The following FBXW7 variants were observed in gnomAD, a reference collection of about 807,000 sequenced individuals.
FBXW7 encodes the protein F-box and WD repeat domain containing 7.
A neutral mutation model predicts 86.3 loss-of-function variants in FBXW7; 11 were observed. That is an observed-to-expected ratio of 0.13 (90% CI 0.08 to 0.21). The LOEUF is 0.21. Among genes scored for constraint, FBXW7 ranks in the 10% least tolerant of loss-of-function variants. The probability of loss-of-function intolerance (pLI) is 1.00; values close to 1 mark genes in which losing one functional copy is unlikely to be tolerated. For missense variants in FBXW7, 488 were observed against 847.4 expected (o/e 0.58, Z 5.27); for synonymous variants, 313 against 297.9 (o/e 1.05, Z -0.52).
intron 2 of FBXW7, among the ~76,000 whole-genome samples, chr4:152,511,225 T>C (rs1185757823): frequency 6.6e-6 from 1 of 151,902 alleles, no homozygotes; most frequent in Non-Finnish European, 1.5e-5. Flanking sequence ...AGTATGAATA[T>C]AACAGGAAGG....
chr4:152,334,423 T>A (rs1329127188), intron 7 of FBXW7, among the ~76,000 whole-genome samples: 1 of 152,220 alleles, frequency 6.6e-6, no homozygotes, highest in East Asian at 1.9e-4. Context: ...CCATTACTAA[T>A]CTATGTGGAA....
intron 2 of FBXW7, among the ~76,000 whole-genome samples, chr4:152,472,048 C>T (rs1273960507): frequency 4.0e-5 from 6 of 151,858 alleles, no homozygotes; most frequent in South Asian, 4.1e-4. Context: ...AAAAAACAAA[C>T]CGATTTTTAA....
Position 152,330,240 on chromosome 4 carries a change from T to G in FBXW7, c.1123-455A>C, listed in dbSNP as rs76536236. ...AACAATGTCTCCCCAAATTGGTTTT[T>G]TCCAGTTGTAAAAATACGCCCAATA... is the stretch of plus-strand genomic sequence containing the variant. On this transcript the variant is annotated intron_variant, in intron 9 of 13. Transcript: ENST00000281708. 1.4e-4 allele frequency among the ~76,000 whole-genome samples: 22 copies of G among 152,062 alleles called. No individual in the cohort carries two copies. In the East Asian group the frequency reaches 3.3e-3, roughly 23 times the overall value.
At chr4:152,519,276 C>CT (rs1176975093) in intron 2 of FBXW7, among the ~76,000 whole-genome samples, 1 of 151,880 alleles carries the variant, frequency 6.6e-6, no homozygotes, top group Admixed American at 6.6e-5. Context: ...CCAGCCTGGG[C>CT]TACAGAGTGA....
chr4:152,403,987 C>T (rs1579105444), intron 4 of FBXW7, among the ~76,000 whole-genome samples: 1 of 152,222 alleles, frequency 6.6e-6, no homozygotes, highest in African/African-American at 2.4e-5. Context: ...ACGGATACTA[C>T]TATGCTATTA....
chr4:152,505,124 AGCACAAT>A (rs960524656), intron 2 of FBXW7, among the ~76,000 whole-genome samples: 11 of 152,198 alleles, frequency 7.2e-5, no homozygotes, highest in African/African-American at 2.7e-4. Context: ...ATGCAACTGT[AGCACAAT>A]GATATTAACA....
chr4:152,505,743 AT>A (rs763132391), intron 2 of FBXW7, among the ~76,000 whole-genome samples: 355 of 141,868 alleles, frequency 2.5e-3, no homozygotes, highest in Admixed American at 3.0e-3. Context: ...CTGTTTTGCA[AT>A]TTTTTTTTTT....
chr4:152,415,786 G>C (rs1738375773), intron 2 of FBXW7, among the ~76,000 whole-genome samples: 1 of 151,942 alleles, frequency 6.6e-6, no homozygotes, highest in African/African-American at 2.4e-5. Flanking sequence ...GTTCTTTCTT[G>C]AGGGGTAAAG....
At chr4:152,491,806 C>T (rs1745885361) in intron 2 of FBXW7, among the ~76,000 whole-genome samples, 1 of 152,068 alleles carries the variant, frequency 6.6e-6, no homozygotes, top group Non-Finnish European at 1.5e-5. Flanking sequence ...TCAGCAACCA[C>T]CAACGTTCTG....
At chr4:152,457,793 T>C (rs1742569185) in intron 2 of FBXW7, among the ~76,000 whole-genome samples, 1 of 151,728 alleles carries the variant, frequency 6.6e-6, no homozygotes, top group South Asian at 2.1e-4. Flanking sequence ...AAGTAAAGAA[T>C]CTCAAAGACA....
chr4:152,524,750 T>A (rs571580775), intron 2 of FBXW7, among the ~76,000 whole-genome samples: 45 of 151,974 alleles, frequency 3.0e-4, no homozygotes, highest in African/African-American at 1.1e-3. Context: ...TCATTTATTT[T>A]AAAAAAAAGG....
In FBXW7 at chr4:152,328,319, C is replaced by G. The variant is rs2126515037; in HGVS notation, c.1307G>C (p.Ser436Thr). 1 of 1,595,932 alleles carries G rather than the reference C, an allele frequency of 6.3e-7. No homozygotes were observed. The highest frequency in any genetic ancestry group is 8.5e-7 in the Non-Finnish European group (1 of 1,172,458). Residue 436 changes from serine (S) to threonine (T), a missense_variant, in exon 11 of 14, where the codon AGT becomes ACT. This residue lies in a region of FBXW7 where 142 missense variants were observed against 406.6 expected (regional missense o/e 0.35). Coordinates refer to ENST00000281708, the MANE Select transcript of FBXW7 (RefSeq NM_001349798.2). ...TTTGAGTGTCCGATCTGTAGATCCA[C>G]TAATGATGATGTTGTCTCTCATTTG... ...SSQMRDNIIISGSTDRTLKVW... is the reference protein window; with the variant it reads ...SSQMRDNIIITGSTDRTLKVW...
At chr4:152,389,819 C>G (rs1464017248) in intron 4 of FBXW7, among the ~76,000 whole-genome samples, 1 of 151,948 alleles carries the variant, frequency 6.6e-6, no homozygotes, top group Non-Finnish European at 1.5e-5. Context: ...TAAGAAGGTT[C>G]AATTTGGTGA....
chr4:152,342,171 T>G (rs1208390903), intron 6 of FBXW7, among the ~76,000 whole-genome samples: 1 of 152,112 alleles, frequency 6.6e-6, no homozygotes, highest in Non-Finnish European at 1.5e-5. Context: ...AAATTGCAAA[T>G]GCAAATTTGA....
At chr4:152,450,648 G>A (rs567329573) in intron 2 of FBXW7, among the ~76,000 whole-genome samples, 35 of 152,268 alleles carry the variant, frequency 2.3e-4, no homozygotes, top group Middle Eastern at 3.4e-3. Flanking sequence ...TTAAAACCTG[G>A]TAGGATTTGT....
chr4:152,346,509 T>C (rs181253686), intron 6 of FBXW7, among the ~76,000 whole-genome samples: 7 of 152,328 alleles, frequency 4.6e-5, no homozygotes, highest in African/African-American at 9.6e-5. Flanking sequence ...TTGTTTTTAA[T>C]AGCATTTTTA....
chr4:152,375,568 T>TTGATA (rs1408112982), intron 4 of FBXW7, among the ~76,000 whole-genome samples: 1 of 152,118 alleles, frequency 6.6e-6, no homozygotes, highest in Non-Finnish European at 1.5e-5. Flanking sequence ...TTTTAATCAA[T>TTGATA]TGATATATTT....
At chr4:152,442,650 A>G (rs1023696929) in intron 2 of FBXW7, among the ~76,000 whole-genome samples, 4 of 152,238 alleles carry the variant, frequency 2.6e-5, no homozygotes, top group Non-Finnish European at 5.9e-5. Context: ...GACAGGTAAC[A>G]AATAGTTGAA....
At chr4:152,478,130 T>G (rs571185460) in intron 2 of FBXW7, among the ~76,000 whole-genome samples, 1 of 152,140 alleles carries the variant, frequency 6.6e-6, no homozygotes, top group Non-Finnish European at 1.5e-5. Context: ...TTCAGTAGCA[T>G]TGAGTACATT....
Sources: gnomAD v4.1 joint callset for allele counts (sites outside exome capture counted in the v4.1 genomes callset) on GRCh38, gnomAD v4.1.1 for gene constraint, gnomAD v4.1.1 regional missense constraint, MANE v1.5 for transcripts, NCBI Gene and HGNC (gene_info 2026-07-23, HGNC 2026-07-21) for gene names.